Variants in TNR observed in about 807,000 individuals in gnomAD.
TNR encodes tenascin-R.
TNR carries 45 observed loss-of-function variants against 150.4 expected under a neutral mutation model. The ratio of observed to expected loss-of-function variants is 0.30; its 90% CI spans 0.24 to 0.38. The LOEUF (loss-of-function observed/expected upper bound fraction) is 0.38, where lower values mean the gene tolerates loss of function less well. Among genes scored for constraint, TNR ranks in the 10% least tolerant of loss-of-function variants. The pLI is 1.00. For synonymous variants in TNR, 687 were observed against 678.4 expected, an observed-to-expected ratio of 1.01 and a Z score of -0.20; for missense variants, 1,544 against 1,759.1, an observed-to-expected ratio of 0.88 and a Z score of 2.19.
At chr1:175,494,100 C>G (rs1658373248) in intron 2 of TNR, among the ~76,000 whole-genome samples, 2 of 152,158 alleles carry the variant, frequency 1.3e-5, no homozygotes, top group Non-Finnish European at 2.9e-5. Context: ...CCGGATTCCT[C>G]CCACCAGCCT....
chr1:175,576,179 C>T (rs113738735), intron 1 of TNR, among the ~76,000 whole-genome samples: 1,585 of 152,248 alleles, frequency 0.01, 25 homozygotes, highest in African/African-American at 0.035. Context: ...TGTGCAGCTG[C>T]GGGATTTCAC....
rs1323450992 is a variant in TNR at position 175,354,386 on chromosome 1, C to T, written c.3382+5G>A. On this transcript the variant is annotated splice_donor_5th_base_variant and intron_variant, in intron 18 of 22. Transcript: ENST00000367674. Reference sequence around the variant, plus strand: ...GAAGGCATCAAAGTGGCCATGCTCCCTCACCTGTGGTGAAAGCGGTGGAGG... The same window carrying T: ...GAAGGCATCAAAGTGGCCATGCTCCTTCACCTGTGGTGAAAGCGGTGGAGG... 1 of 1,613,548 alleles carries T rather than the reference C, an allele frequency of 6.2e-7. No individual in the cohort carries two copies. Among genetic ancestry groups the T allele is most frequent in the African/African-American group, 1.3e-5 (1 of 74,952 alleles).
intron 8 of TNR, among the ~76,000 whole-genome samples, chr1:175,383,272 G>A (rs941728195): frequency 2.0e-5 from 3 of 152,184 alleles, no homozygotes; most frequent in Admixed American, 6.5e-5. Flanking sequence ...GGACTTCAAC[G>A]TCTTTTTAAG....
intron 1 of TNR, among the ~76,000 whole-genome samples, chr1:175,674,999 T>C (rs1201918825): frequency 1.3e-5 from 2 of 151,948 alleles, no homozygotes; most frequent in Admixed American, 1.3e-4. Context: ...GGAGCAGGAT[T>C]TGGGGAGATG....
intron 9 of TNR, among the ~76,000 whole-genome samples, chr1:175,373,010 C>G (rs1652175790): frequency 6.6e-6 from 1 of 152,122 alleles, no homozygotes; most frequent in South Asian, 2.1e-4. Flanking sequence ...CCTCACTAGA[C>G]TCTTAGGTCT....
At chr1:175,507,950 T>C (rs1161092268) in intron 2 of TNR, among the ~76,000 whole-genome samples, 1 of 152,224 alleles carries the variant, frequency 6.6e-6, no homozygotes, top group African/African-American at 2.4e-5. Flanking sequence ...TTCTGGTGTT[T>C]TTGCTATAGG....
At position 175,359,596 on chromosome 1, in the gene TNR, G is replaced by A. The variant is rs1395354190; in HGVS notation, c.2974+16C>T. 1.2e-6 allele frequency: 2 copies of A among 1,612,982 alleles called. No individual in the cohort carries two copies. Among genetic ancestry groups the A allele is most frequent in the South Asian group, 1.1e-5 (1 of 91,024 alleles). ...CCATTCCCACCTGCCTGATCTGCAGGCCTGCAGACACCCACCTGCAAAGTG... is the reference window on the plus strand; with the variant it reads ...CCATTCCCACCTGCCTGATCTGCAGACCTGCAGACACCCACCTGCAAAGTG... On this transcript the variant is annotated intron_variant, in intron 15 of 22. Coordinates refer to ENST00000367674, the MANE Select transcript of TNR (RefSeq NM_003285.3).
rs150492049 is a variant in TNR, at chr1:175,606,888, A to T, written c.-164-78519T>A. Among the ~76,000 whole-genome samples, 386 of 152,246 alleles carry T rather than the reference A, an allele frequency of 2.5e-3. 1 individual carries two copies. The highest frequency in any genetic ancestry group is 8.3e-3 in the African/African-American group (345 of 41,546). Reference sequence around the variant, plus strand: ...GAAGAAGCTTTGAGATGCCCAGTGCACTCCAGGGCTCCCCTGCAGGATCAA... The same window carrying T: ...GAAGAAGCTTTGAGATGCCCAGTGCTCTCCAGGGCTCCCCTGCAGGATCAA... On this transcript the variant is annotated intron_variant, in intron 1 of 22. Coordinates refer to ENST00000367674, the MANE Select transcript of TNR (RefSeq NM_003285.3).
At chr1:175,499,819 A>G (rs1185762313) in intron 2 of TNR, among the ~76,000 whole-genome samples, 1 of 152,164 alleles carries the variant, frequency 6.6e-6, no homozygotes, top group Non-Finnish European at 1.5e-5. Context: ...ACACGGGCCT[A>G]TCTCTCTCTT....
At chr1:175,667,084 TC>T (rs1665551776) in intron 1 of TNR, among the ~76,000 whole-genome samples, 1 of 152,166 alleles carries the variant, frequency 6.6e-6, no homozygotes, top group Admixed American at 6.5e-5. Context: ...TGTTCCTTCT[TC>T]CTGAATGACC....
chr1:175,408,681 G>T (rs1323858824), intron 2 of TNR, among the ~76,000 whole-genome samples: 3 of 152,146 alleles, frequency 2.0e-5, no homozygotes, highest in South Asian at 2.1e-4. Flanking sequence ...ATAAAGTGGA[G>T]ATAATAATGG....
At chr1:175,697,264 G>T (rs1317133137) in intron 1 of TNR, among the ~76,000 whole-genome samples, 1 of 152,048 alleles carries the variant, frequency 6.6e-6, no homozygotes, top group African/African-American at 2.4e-5. Flanking sequence ...AGTGAAAGAG[G>T]CTGGCCAAGA....
intron 1 of TNR, among the ~76,000 whole-genome samples, chr1:175,729,558 A>G (rs113864062): frequency 1.3e-5 from 2 of 151,852 alleles, no homozygotes; most frequent in Admixed American, 1.3e-4. Context: ...CTCCCAAAAC[A>G]CTGGGATTAC....
chr1:175,367,322 A>G, intron 9 of TNR, 25 bp from the exon 10 acceptor site: 1 of 1,603,710 alleles, frequency 6.2e-7, no homozygotes, highest in Non-Finnish European at 8.5e-7. Context: ...AGAAACAAAC[A>G]TTATTCTGTG....
intron 2 of TNR, among the ~76,000 whole-genome samples, chr1:175,440,158 A>G (rs1427024835): frequency 6.6e-6 from 1 of 152,210 alleles, no homozygotes; most frequent in East Asian, 1.9e-4. Context: ...GGATTAAGAA[A>G]ATGTGGCACA....
In TNR at chr1:175,385,658, A is replaced by T. The variant is rs1652880500; in HGVS notation, c.1777+374T>A. Among the ~76,000 whole-genome samples the T allele has an allele frequency of 1.3e-5, 2 of 152,194 alleles. 1 individual carries two copies. Among genetic ancestry groups the T allele is most frequent in the South Asian group, 4.2e-4 (2 of 4,818 alleles). ...CAAATGGTAAGAATGTGTCTTGAGAAAGAGACACCTTTCCTGAATTCTCAC... is the reference window on the plus strand; with the variant it reads ...CAAATGGTAAGAATGTGTCTTGAGATAGAGACACCTTTCCTGAATTCTCAC... On this transcript the variant is annotated intron_variant, in intron 8 of 22. Coordinates refer to ENST00000367674, the MANE Select transcript of TNR (RefSeq NM_003285.3).
chr1:175,337,018 G>A (rs1158762011), intron 19 of TNR, among the ~76,000 whole-genome samples: 3 of 152,138 alleles, frequency 2.0e-5, no homozygotes, highest in Non-Finnish European at 2.9e-5. Context: ...TCAGCCTCCA[G>A]AGTAGCTGGG....
chr1:175,621,030 C>T (rs374106748), intron 1 of TNR, among the ~76,000 whole-genome samples: 5 of 152,188 alleles, frequency 3.3e-5, no homozygotes, highest in Non-Finnish European at 7.4e-5. Context: ...GCTATGACCA[C>T]GCACCCCTCT....
At chr1:175,669,794 A>G (rs571980101) in intron 1 of TNR, among the ~76,000 whole-genome samples, 27 of 152,294 alleles carry the variant, frequency 1.8e-4, no homozygotes, top group Admixed American at 7.2e-4. Context: ...TCCCTTCCAA[A>G]TACCAATCTG....
Sources: allele counts gnomAD v4.1 joint callset (sites outside exome capture counted in the v4.1 genomes callset), GRCh38; gene constraint gnomAD v4.1.1; transcripts MANE v1.5; gene names NCBI Gene and HGNC (gene_info 2026-07-23, HGNC 2026-07-21).